The following EIF4E variants were observed in gnomAD, a reference collection of about 807,000 sequenced individuals.
The protein encoded by EIF4E is eukaryotic translation initiation factor 4E.
For synonymous variants in EIF4E, 71 were observed against 88.5 expected (o/e 0.80, Z 1.11); for missense variants, 113 against 265.6 (o/e 0.43, Z 3.99).
intron 1 of EIF4E, chr4:98,928,876 C>T: frequency 6.5e-7 from 1 of 1,547,558 alleles, no homozygotes; most frequent in Non-Finnish European, 8.7e-7. Context: ...CACCGCTCCC[C>T]CAGTTCTCGG....
chr4:98,910,213 A>T (rs1725060128), intron 1 of EIF4E, among the ~76,000 whole-genome samples: 1 of 152,190 alleles, frequency 6.6e-6, no homozygotes, highest in East Asian at 1.9e-4. Context: ...CAAAACTATG[A>T]CTTTTATACT....
At chr4:98,922,384 C>A (rs1725683450) in intron 1 of EIF4E, among the ~76,000 whole-genome samples, 1 of 151,826 alleles carries the variant, frequency 6.6e-6, no homozygotes, top group Non-Finnish European at 1.5e-5. Flanking sequence ...GGTGAAACCC[C>A]ATCTCTACTA....
intron 1 of EIF4E, 85 bp downstream of exon 1, chr4:98,929,010 G>A: frequency 6.4e-7 from 1 of 1,566,282 alleles, no homozygotes; most frequent in East Asian, 2.4e-5. Context: ...GTGCGCGCCG[G>A]GAACGCCGTC....
chr4:98,891,533 A>C, intron 2 of EIF4E: 3 of 590,670 alleles, frequency 5.1e-6, no homozygotes, highest in Non-Finnish European at 9.0e-6. Flanking sequence ...GGGGAAGCTA[A>C]GGACATTAAG....
intron 1 of EIF4E, among the ~76,000 whole-genome samples, chr4:98,911,373 T>C (rs1332703683): frequency 6.9e-6 from 1 of 144,404 alleles, no homozygotes; most frequent in Non-Finnish European, 1.5e-5. Context: ...GAAAGAGTTG[T>C]AGGAGGCTGG....
At chr4:98,908,566 G>C (rs1724979478) in intron 1 of EIF4E, among the ~76,000 whole-genome samples, 1 of 152,152 alleles carries the variant, frequency 6.6e-6, no homozygotes. Context: ...TTAAATAAAG[G>C]TATGAAATAA....
intron 2 of EIF4E, chr4:98,891,633 G>A (rs965868338): frequency 1.0e-4 from 33 of 320,900 alleles, no homozygotes; most frequent in Non-Finnish European, 2.3e-5. Flanking sequence ...GAAACAAAAA[G>A]AATGGTGATT....
chr4:98,921,954 C>T (rs765515110), intron 1 of EIF4E, among the ~76,000 whole-genome samples: 1 of 152,198 alleles, frequency 6.6e-6, no homozygotes, highest in African/African-American at 2.4e-5. Context: ...GGTGTAATTG[C>T]TTGGTTTAGT....
Position 98,909,533 on chromosome 4 carries a change from A to T in EIF4E, c.19-7551T>A, listed in dbSNP as rs972554285. The T allele has an allele frequency of 3.9e-5, 24 of 622,620 alleles. No individual in the cohort carries two copies. In the African/African-American group the frequency reaches 4.1e-4, roughly 11 times the overall value. The allele number at this position is 622,620 out of a possible 1,614,324, so 38.6% of individuals were successfully genotyped here. A position where few individuals can be genotyped will look rare whatever the true frequency, so the allele number is the denominator to read the frequency against. On this transcript the variant is annotated intron_variant, in intron 1 of 6. Transcript: ENST00000450253. ...ATGCAAAAAACACCCTGTACATAAA[A>T]GTTTCAGGCTTCTAACTCCACTGAA...
At chr4:98,907,795 C>CAGTTTCTT (rs759249934) in intron 1 of EIF4E, among the ~76,000 whole-genome samples, 6 of 152,130 alleles carry the variant, frequency 3.9e-5, no homozygotes, top group Non-Finnish European at 8.8e-5. Context: ...CTGTAAGGAT[C>CAGTTTCTT]AGTTTCTTCC....
chr4:98,883,064 T>C (rs1723765300), intron 6 of EIF4E, among the ~76,000 whole-genome samples: 1 of 152,104 alleles, frequency 6.6e-6, no homozygotes. Context: ...GGCAGGTGGA[T>C]GACTTGAGGC....
chr4:98,928,377 A>G (rs1272463270), intron 1 of EIF4E, among the ~76,000 whole-genome samples: 1 of 151,672 alleles, frequency 6.6e-6, no homozygotes, highest in African/African-American at 2.4e-5. Flanking sequence ...CTACTTGGAG[A>G]GCTTCACCGT....
chr4:98,921,115 A>T (rs772051199), intron 1 of EIF4E, among the ~76,000 whole-genome samples: 12 of 152,224 alleles, frequency 7.9e-5, no homozygotes, highest in Non-Finnish European at 1.5e-4. Flanking sequence ...CACTTAAGGA[A>T]CTATGTGACC....
At chr4:98,888,581 C>A (rs1464423894) in intron 3 of EIF4E, among the ~76,000 whole-genome samples, 1 of 152,154 alleles carries the variant, frequency 6.6e-6, no homozygotes, top group Non-Finnish European at 1.5e-5. Flanking sequence ...TGGAACCCTG[C>A]AGTCTGTATT....
At chr4:98,913,514 C>A (rs1466421443) in intron 1 of EIF4E, among the ~76,000 whole-genome samples, 1 of 152,138 alleles carries the variant, frequency 6.6e-6, no homozygotes, top group Non-Finnish European at 1.5e-5. Flanking sequence ...CTATATTGCT[C>A]AGCCTGGTCT....
chr4:98,903,314 G>A (rs150676004), intron 1 of EIF4E: 237 of 409,936 alleles, frequency 5.8e-4, no homozygotes, highest in African/African-American at 4.7e-3. Context: ...TTGTCTAAAA[G>A]AATGCAGAGC....
chr4:98,885,101 A>G (rs1278676518), intron 5 of EIF4E, 40 bp from the exon 6 acceptor site: 1 of 1,592,822 alleles, frequency 6.3e-7, no homozygotes, highest in Admixed American at 1.7e-5. Context: ...TAGATTATAA[A>G]CAAGCTCATT....
chr4:98,924,077 G>GTTTT (rs201322206), intron 1 of EIF4E, among the ~76,000 whole-genome samples: 1 of 143,614 alleles, frequency 7.0e-6, no homozygotes, highest in African/African-American at 2.6e-5. Context: ...AACTTCTTTT[G>GTTTT]TTTATTTTTT....
intron 3 of EIF4E, among the ~76,000 whole-genome samples, chr4:98,890,100 C>CT (rs1379803708): frequency 1.1e-4 from 16 of 152,224 alleles, no homozygotes; most frequent in Admixed American, 7.9e-4. Context: ...GTATGCTTTG[C>CT]TTTTTTCAGC....
Sources: gnomAD v4.1 joint callset for allele counts (sites outside exome capture counted in the v4.1 genomes callset) on GRCh38, gnomAD v4.1.1 for gene constraint, MANE v1.5 for transcripts, NCBI Gene and HGNC (gene_info 2026-07-23, HGNC 2026-07-21) for gene names.